Variants in SYNE2 observed in about 807,000 individuals in gnomAD.
SYNE2 encodes the protein nesprin-2.
In SYNE2, 431 loss-of-function variants were observed where a neutral mutation model predicts 856.3. The observed-to-expected ratio is 0.50, with a 90% CI of 0.47 to 0.55. The LOEUF (loss-of-function observed/expected upper bound fraction) is 0.55. SYNE2 is among the 20% of genes least tolerant of loss of function. The probability of loss-of-function intolerance (pLI) is 0.00; values close to 1 mark genes in which losing one functional copy is unlikely to be tolerated. For synonymous variants in SYNE2, 2,923 were observed against 2,872.3 expected (o/e 1.02, Z -0.56); for missense variants, 8,129 against 8,023.2 (o/e 1.01, Z -0.50).
chr14:63,895,191 G>A (rs1178641164), intron 1 of SYNE2, among the ~76,000 whole-genome samples: 2 of 149,748 alleles, frequency 1.3e-5, no homozygotes, highest in African/African-American at 4.9e-5. Flanking sequence ...TGCAACCTCC[G>A]CCTCCTGGGT....
At chr14:64,131,877 T>C (rs1163904980) in intron 76 of SYNE2, among the ~76,000 whole-genome samples, 1 of 152,232 alleles carries the variant, frequency 6.6e-6, no homozygotes, top group Non-Finnish European at 1.5e-5. Flanking sequence ...CTAAGGGTAA[T>C]ACTTTATAAT....
chr14:63,821,379 TAATAA>T (rs1889204457), intron 1 of SYNE2, among the ~76,000 whole-genome samples: 1 of 152,072 alleles, frequency 6.6e-6, no homozygotes, highest in Non-Finnish European at 1.5e-5. Flanking sequence ...GAGAAATCAA[TAATAA>T]AATATAGCAC....
intron 30 of SYNE2, among the ~76,000 whole-genome samples, chr14:64,005,948 C>T (rs2096792714): frequency 6.6e-6 from 1 of 152,112 alleles, no homozygotes; most frequent in Non-Finnish European, 1.5e-5. Context: ...GAGGCCAGTA[C>T]AGTAGGATGA....
Position 64,208,847 on chromosome 14 carries a change from T to A in SYNE2, c.18291T>A (p.Cys6097Ter). The A allele has an allele frequency of 6.2e-7, 1 of 1,614,196 alleles. No individual in the cohort carries two copies. The highest frequency in any genetic ancestry group is 8.5e-7 in the Non-Finnish European group (1 of 1,180,036). ...CDVLLHDSDACANETECDSIQ... is the reference protein window; with the variant it reads ...CDVLLHDSDA The stretch of plus-strand genomic sequence containing the variant: ...TCCTACTGCACGACTCCGATGCCTG[T>A]GCAAATGAGACCGAGTGTGACTCGA... Residue 6097 changes from cysteine to a stop codon, truncating the protein, a stop_gained, in exon 101 of 116, where the codon TGT (cysteine) becomes TGA (stop). Coordinates refer to ENST00000555002, the MANE Select transcript of SYNE2 (RefSeq NM_182914.3). LOFTEE classifies it high-confidence loss of function.
intron 45 of SYNE2, among the ~76,000 whole-genome samples, chr14:64,041,763 T>TC (rs2097150168): frequency 6.6e-6 from 1 of 150,616 alleles, no homozygotes; most frequent in South Asian, 2.1e-4. Flanking sequence ...AACAGGAGAA[T>TC]CAGTTGAACC....
At position 63,998,242 on chromosome 14, in the gene SYNE2, T is replaced by G. The variant is rs201858632; in HGVS notation, c.3267T>G (p.Phe1089Leu). 40 of 1,613,968 alleles carry G rather than the reference T, an allele frequency of 2.5e-5. No homozygotes were observed. In the Admixed American group the frequency reaches 4.7e-4, roughly 19 times the overall value. Reference sequence around the variant, plus strand: ...AGGCAATGGAACCCACTATGAAGTTTAGCCTGGCATCAGTGTTAAGGCCTC... The same window carrying G: ...AGGCAATGGAACCCACTATGAAGTTGAGCCTGGCATCAGTGTTAAGGCCTC... ...TEKAMEPTMK[F>L]SLASVLRPLQ... The change falls in exon 26 of 116, where the codon TTT becomes TTG. Residue 1089 changes from phenylalanine to leucine, a missense_variant. Coordinates refer to ENST00000555002, the MANE Select transcript of SYNE2 (RefSeq NM_182914.3).
chr14:64,018,277 T>C (rs755244520), intron 34 of SYNE2, among the ~76,000 whole-genome samples: 1 of 152,198 alleles, frequency 6.6e-6, no homozygotes, highest in Non-Finnish European at 1.5e-5. Flanking sequence ...TCTCGTTCTG[T>C]CACCCAGGCT....
chr14:63,931,975 T>A (rs1026725932), intron 2 of SYNE2, among the ~76,000 whole-genome samples: 3 of 152,230 alleles, frequency 2.0e-5, no homozygotes. Flanking sequence ...TTTGAAAAAT[T>A]TTTGTAAGCA....
chr14:63,983,926 A>G (rs746038816), intron 18 of SYNE2, 40 bp downstream of exon 18: 1 of 1,383,164 alleles, frequency 7.2e-7, no homozygotes, highest in Non-Finnish European at 1.0e-6. Flanking sequence ...TTGCAAATAG[A>G]AATAATTTAA....
At chr14:64,098,681 G>A in intron 62 of SYNE2, 66 bp from the exon 63 acceptor site, 1 of 1,540,534 alleles carries the variant, frequency 6.5e-7, no homozygotes, top group Non-Finnish European at 8.9e-7. Context: ...AAATGCAGCT[G>A]GACTGGGATC....
At chr14:63,852,998 G>C (rs1231785373), upstream of SYNE2, 1 of 151,586 alleles carries the variant, frequency 6.6e-6, no homozygotes, top group Non-Finnish European at 1.5e-5. Flanking sequence ...GGAGCGGAGC[G>C]CGCTCAGCTG....
At chr14:64,037,876 C>T (rs1304757593) in intron 45 of SYNE2, among the ~76,000 whole-genome samples, 1 of 150,576 alleles carries the variant, frequency 6.6e-6, no homozygotes, top group Non-Finnish European at 1.5e-5. Flanking sequence ...GACGGGGCGG[C>T]TGGCCGGGCG....
In SYNE2 at chr14:64,168,927, C is replaced by T; in HGVS notation, c.16956C>T (p.Val5652=). The change falls in exon 93 of 116, where the codon GTC becomes GTT. Residue 5652 remains valine, a synonymous_variant. Coordinates refer to ENST00000555002, the MANE Select transcript of SYNE2 (RefSeq NM_182914.3). ...SINQTIADSY[V]TQSLQLLDTT... The stretch of plus-strand genomic sequence containing the variant: ...ACCAGACAATTGCTGATTCCTATGT[C>T]ACCCAGTCCTTACAACTCCTGGACA... 2 of 1,614,066 alleles carry T rather than the reference C, an allele frequency of 1.2e-6. No individual in the cohort carries two copies. Among genetic ancestry groups the T allele is most frequent in the South Asian group, 1.1e-5 (1 of 91,064 alleles).
rs777242576 is a variant in SYNE2 at position 63,997,032 on chromosome 14, A to G, written c.3026A>G (p.Gln1009Arg). ...GAGCTGTGTGAAGAGCTGCCTTCAC[A>G]GAAGAGTCAACAAGAAGTGAAGAGA... ...LRELCEELPS[Q>R]KSQQEVKRLL... Residue 1009 changes from glutamine (Q) to arginine (R), a missense_variant, in exon 24 of 116, where the codon CAG becomes CGG. Physicochemically the swap from Gln to Arg is conservative, Grantham distance 43. Transcript: ENST00000555002. 1 of 1,614,158 alleles carries G rather than the reference A, an allele frequency of 6.2e-7. No homozygotes were observed. The highest frequency in any genetic ancestry group is 8.5e-7 in the Non-Finnish European group (1 of 1,180,008).
In SYNE2 at chr14:64,056,077, T is replaced by C. The variant is rs769596534; in HGVS notation, c.9878T>C (p.Leu3293Ser). Residue 3293 changes from leucine to serine, a missense_variant, in exon 49 of 116, where the codon TTA becomes TCA. Leu to Ser is a moderately radical substitution (Grantham distance 145). Coordinates refer to ENST00000555002, the MANE Select transcript of SYNE2 (RefSeq NM_182914.3). Reference sequence around the variant, plus strand: ...GATGTTGGTAATCCAGAAGAATCTTTAGAGATGCCTCTTCGAAAACAAGAG... The same window carrying C: ...GATGTTGGTAATCCAGAAGAATCTTCAGAGATGCCTCTTCGAAAACAAGAG... ...RVDVGNPEES[L>S]EMPLRKQEEL... 1.2e-6 allele frequency: 2 copies of C among 1,614,194 alleles called. No individual in the cohort carries two copies. Among genetic ancestry groups the C allele is most frequent in the South Asian group, 1.1e-5 (1 of 91,088 alleles).
chr14:64,022,082 AG>A, intron 37 of SYNE2, 54 bp downstream of exon 37: 1 of 1,541,692 alleles, frequency 6.5e-7, no homozygotes, highest in Non-Finnish European at 9.0e-7. Flanking sequence ...GTATGAATGT[AG>A]TACTGTGAAC....
intron 45 of SYNE2, among the ~76,000 whole-genome samples, chr14:64,045,382 G>A (rs1291159615): frequency 1.3e-5 from 2 of 150,432 alleles, no homozygotes; most frequent in Non-Finnish European, 2.9e-5. Context: ...AACAGATAAA[G>A]TGTTCCTCAG....
At chr14:63,878,946 G>A (rs1490900916) in intron 1 of SYNE2, among the ~76,000 whole-genome samples, 1 of 152,228 alleles carries the variant, frequency 6.6e-6, no homozygotes, top group Admixed American at 6.5e-5. Flanking sequence ...GGACAGGTGT[G>A]GTGGCTCATG....
chr14:63,815,586 A>G (rs1888945050), intron 1 of SYNE2, among the ~76,000 whole-genome samples: 1 of 151,992 alleles, frequency 6.6e-6, no homozygotes, highest in African/African-American at 2.4e-5. Context: ...TCATAGACAC[A>G]CCCAGGATCA....
Sources: gnomAD v4.1 joint callset for allele counts (sites outside exome capture counted in the v4.1 genomes callset) on GRCh38, gnomAD v4.1.1 for gene constraint, MANE v1.5 for transcripts, NCBI Gene and HGNC (gene_info 2026-07-23, HGNC 2026-07-21) for gene names.